BCL9: variants seen among roughly 807,000 people sequenced by gnomAD.
BCL9 encodes BCL9 transcription coactivator.
In BCL9, 25 loss-of-function variants were observed where a neutral mutation model predicts 88.5. The ratio of observed to expected loss-of-function variants is 0.28; its 90% CI spans 0.21 to 0.39. The LOEUF (loss-of-function observed/expected upper bound fraction) is 0.39. BCL9 is among the 10% of genes least tolerant of loss of function. BCL9 has a pLI of 1.00. For synonymous variants in BCL9, 711 were observed against 673.3 expected (o/e 1.06, Z -0.87); for missense variants, 1,817 against 1,877.8 (o/e 0.97, Z 0.60).
At position 147,548,982 on chromosome 1, in the gene BCL9, T is replaced by TTTTG. The variant is rs1553194538; in HGVS notation, c.-478+7311_-478+7312insGTTT. On this transcript the variant is annotated intron_variant, in intron 1 of 9. Transcript: ENST00000234739. ...AATTCTCTCCTTTTCTTTCTTTCTT[T>TTTTG]TTTTTTTTTTTTTTGACTGAGTTTT... Among the ~76,000 whole-genome samples the TTTTG allele has an allele frequency of 5.3e-4, 68 of 127,828 alleles. 1 individual carries two copies. The highest frequency in any genetic ancestry group is 2.3e-3 in the African/African-American group (61 of 26,990). The allele number at this position is 127,828 out of a possible 152,430, so 83.9% of individuals were successfully genotyped here. A position where few individuals can be genotyped will look rare whatever the true frequency, so the allele number is the denominator to read the frequency against.
intron 1 of BCL9, among the ~76,000 whole-genome samples, chr1:147,555,090 A>T (rs1270506680): frequency 6.6e-6 from 1 of 152,148 alleles, no homozygotes; most frequent in Non-Finnish European, 1.5e-5. Flanking sequence ...AGGTCATCTT[A>T]TGTAATCTTC....
Position 147,624,066 on chromosome 1 carries a change from G to T in BCL9, c.3388G>T (p.Val1130Leu). 6.2e-7 allele frequency: 1 copy of T among 1,613,656 alleles called. No individual in the cohort carries two copies. Among genetic ancestry groups the T allele is most frequent in the East Asian group, 2.2e-5 (1 of 44,858 alleles). The change falls in exon 10 of 10, where the codon GTA (valine) becomes TTA (leucine). Residue 1130 changes from valine (V) to leucine (L), a missense_variant. Around this residue, in one of 2 missense-constraint regions of BCL9, gnomAD observed 589 missense variants for 686.2 expected, o/e 0.86. Transcript: ENST00000234739. The surrounding 1 kb of genome is among the most constrained non-coding windows in gnomAD (Gnocchi z 4.4). ...MGHGSQEPPM[V>L]PQGRMGFPQG... ...GCATGGGTCCCAGGAGCCACCGATG[G>T]TACCTCAAGGACGGATGGGCTTCCC...
Position 147,619,499 on chromosome 1 carries a change from T to G in BCL9, c.1344T>G (p.Pro448=), listed in dbSNP as rs1658490152. Residue 448 remains proline, a synonymous_variant, in exon 8 of 10, where the codon CCT becomes CCG. Coordinates refer to ENST00000234739, the MANE Select transcript of BCL9 (RefSeq NM_004326.4). This position sits in a 1 kb window ranked among gnomAD's most constrained non-coding sequence, Gnocchi z 4.1. ...VPFSPDEMVP[P]SMNSQSGTIG... ...TTTCTCCAGATGAAATGGTTCCACC[T>G]TCTATGAACTCCCAGTCTGGGACCA... 2 of 1,613,974 alleles carry G rather than the reference T, an allele frequency of 1.2e-6. No individual in the cohort carries two copies. The highest frequency in any genetic ancestry group is 1.7e-5 in the Admixed American group (1 of 59,998).
At chr1:147,580,021 C>T (rs1382843791) in intron 1 of BCL9, among the ~76,000 whole-genome samples, 3 of 152,194 alleles carry the variant, frequency 2.0e-5, no homozygotes, top group African/African-American at 7.2e-5. Context: ...CTGATGTTCT[C>T]ATTCATTTCA....
intron 1 of BCL9, among the ~76,000 whole-genome samples, chr1:147,589,840 A>C (rs948663713): frequency 4.0e-5 from 6 of 150,658 alleles, no homozygotes; most frequent in Admixed American, 6.6e-5. Context: ...TATTTCTCTT[A>C]GATAGACACC....
At chr1:147,548,795 C>G (rs1654737410) in intron 1 of BCL9, among the ~76,000 whole-genome samples, 1 of 151,182 alleles carries the variant, frequency 6.6e-6, no homozygotes, top group East Asian at 1.9e-4. Flanking sequence ...GAGACCCTGT[C>G]TCAAAAAAAA....
rs200473630 is a variant in BCL9, at chr1:147,622,339, A to G, written c.2971A>G (p.Thr991Ala). ...VNIPGSLPSS[T>A]PYTMPPEPTL... ...TATCCCTGGAAGTCTTCCCTCTAGT[A>G]CACCTTATACCATGCCTCCAGAGCC... The change falls in exon 9 of 10, where the codon ACA becomes GCA. Residue 991 changes from threonine to alanine, a missense_variant. Thr to Ala is a moderately conservative substitution (Grantham distance 58). Around this residue, in one of 2 missense-constraint regions of BCL9, gnomAD observed 589 missense variants for 686.2 expected, o/e 0.86. Coordinates refer to ENST00000234739, the MANE Select transcript of BCL9 (RefSeq NM_004326.4). 6.7e-5 allele frequency: 108 copies of G among 1,614,036 alleles called. No individual in the cohort carries two copies. In the African/African-American group the frequency reaches 1.3e-3, roughly 19 times the overall value.
rs76898848 is a variant in BCL9 at position 147,613,994 on chromosome 1, A to G, written c.371-433A>G. On this transcript the variant is annotated intron_variant, in intron 5 of 9. Coordinates refer to ENST00000234739, the MANE Select transcript of BCL9 (RefSeq NM_004326.4). ...TGGCAGGCCTGCTATGAGTGCCAGC[A>G]CTATGCTGGGGGGCCATGGTCAGCA... Among the ~76,000 whole-genome samples, 1,303 of 152,282 alleles carry G rather than the reference A, an allele frequency of 8.6e-3. 13 individuals carry two copies. The highest frequency in any genetic ancestry group is 0.014 in the Non-Finnish European group (976 of 68,014).
intron 1 of BCL9, among the ~76,000 whole-genome samples, chr1:147,591,160 C>T (rs1656827448): frequency 2.0e-5 from 3 of 152,152 alleles, no homozygotes; most frequent in Admixed American, 2.0e-4. Context: ...TTATAAATCA[C>T]ATTCAGGATA....
In BCL9 at chr1:147,624,787, C is replaced by G. The variant is rs782122482; in HGVS notation, c.4109C>G (p.Thr1370Ser). Residue 1370 changes from threonine (T) to serine (S), a missense_variant, in exon 10 of 10, where the codon ACC becomes AGC. Physicochemically the swap from Thr to Ser is moderately conservative, Grantham distance 58. Around this residue, in one of 2 missense-constraint regions of BCL9, gnomAD observed 589 missense variants for 686.2 expected, o/e 0.86. Transcript: ENST00000234739. The surrounding 1 kb of genome is among the most constrained non-coding windows in gnomAD (Gnocchi z 4.4). ...GKDRGPAGLY[T>S]HPGPVGSPGM... Reference sequence around the variant, plus strand: ...GATCGGGGGCCTGCCGGGCTCTACACCCACCCTGGGCCTGTGGGCTCTCCA... The same window carrying G: ...GATCGGGGGCCTGCCGGGCTCTACAGCCACCCTGGGCCTGTGGGCTCTCCA... The G allele has an allele frequency of 6.2e-7, 1 of 1,614,164 alleles. No individual in the cohort carries two copies. Among genetic ancestry groups the G allele is most frequent in the Non-Finnish European group, 8.5e-7 (1 of 1,180,002 alleles).
chr1:147,583,300 T>C (rs1414750034), intron 1 of BCL9, among the ~76,000 whole-genome samples: 2 of 152,064 alleles, frequency 1.3e-5, no homozygotes, highest in Non-Finnish European at 2.9e-5. Flanking sequence ...TTTTTTGAGA[T>C]GGACTCTTGC....
In BCL9 at chr1:147,619,283, T is replaced by A. The variant is rs377297765; in HGVS notation, c.1128T>A (p.Asp376Glu). The change falls in exon 8 of 10, where the codon GAT (aspartate) becomes GAA (glutamate). Residue 376 changes from aspartate (D) to glutamate (E), a missense_variant. This residue lies in a region of BCL9 where 1,228 missense variants were observed against 1,191.6 expected (regional missense o/e 1.03). Coordinates refer to ENST00000234739, the MANE Select transcript of BCL9 (RefSeq NM_004326.4). The surrounding 1 kb of genome is among the most constrained non-coding windows in gnomAD (Gnocchi z 4.1). ...ATATCCAGCGCATGCTTTTTCCTGA[T>A]GAGAAAGAATTCACAGGAGCACAAA... The part of the protein sequence containing the change: ...LRDIQRMLFP[D>E]EKEFTGAQSG... The A allele has an allele frequency of 2.5e-6, 4 of 1,613,958 alleles. No homozygotes were observed. In the African/African-American group the frequency reaches 5.3e-5, roughly 22 times the overall value.
At chr1:147,574,839 A>G (rs1457066796) in intron 1 of BCL9, among the ~76,000 whole-genome samples, 1 of 152,214 alleles carries the variant, frequency 6.6e-6, no homozygotes, top group East Asian at 1.9e-4. Flanking sequence ...CAAAAAAGAT[A>G]TGGGGACCTA....
intron 1 of BCL9, among the ~76,000 whole-genome samples, chr1:147,548,254 A>C (rs1654706071): frequency 1.3e-5 from 2 of 152,176 alleles, no homozygotes; most frequent in African/African-American, 4.8e-5. Flanking sequence ...TTAAGGTCAT[A>C]CTTGCTCTAA....
chr1:147,582,096 A>G (rs1317106497), intron 1 of BCL9, among the ~76,000 whole-genome samples: 1 of 152,184 alleles, frequency 6.6e-6, no homozygotes, highest in Non-Finnish European at 1.5e-5. Flanking sequence ...GTCTATATAA[A>G]TTGTATGTAT....
At chr1:147,615,685 G>T in intron 6 of BCL9, 118 bp from the exon 7 acceptor site, 1 of 624,786 alleles carries the variant, frequency 1.6e-6, no homozygotes, top group South Asian at 2.5e-5. Flanking sequence ...CATTTCTGGT[G>T]GTTCTTTCTA....
Position 147,619,510 on chromosome 1 carries a change from C to G in BCL9, c.1355C>G (p.Ser452Cys). ...GAAATGGTTCCACCTTCTATGAACT[C>G]CCAGTCTGGGACCATAGGACCCGAC... The part of the protein sequence containing the change: ...PDEMVPPSMN[S>C]QSGTIGPDHL... The change falls in exon 8 of 10, where the codon TCC becomes TGC. Residue 452 changes from serine to cysteine, a missense_variant. By Grantham distance (112) the Ser-to-Cys change is moderately radical. Around this residue, in one of 2 missense-constraint regions of BCL9, gnomAD observed 1,228 missense variants for 1,191.6 expected, o/e 1.03. Transcript: ENST00000234739. This position sits in a 1 kb window ranked among gnomAD's most constrained non-coding sequence, Gnocchi z 4.1. 6.2e-7 allele frequency: 1 copy of G among 1,614,074 alleles called. No homozygotes were observed. Among genetic ancestry groups the G allele is most frequent in the Non-Finnish European group, 8.5e-7 (1 of 1,180,018 alleles).
chr1:147,572,573 T>C (rs782043833), intron 1 of BCL9, among the ~76,000 whole-genome samples: 1 of 152,120 alleles, frequency 6.6e-6, no homozygotes, highest in Non-Finnish European at 1.5e-5. Context: ...GGTTCATAGG[T>C]AGAAGTTTTT....
At chr1:147,609,950 C>T (rs797033076) in intron 3 of BCL9, among the ~76,000 whole-genome samples, 7 of 152,238 alleles carry the variant, frequency 4.6e-5, no homozygotes, top group African/African-American at 1.2e-4. Context: ...TGCTAGAATA[C>T]GTGATGCAGA....
Sources: gnomAD v4.1 joint callset for allele counts (sites outside exome capture counted in the v4.1 genomes callset) on GRCh38, gnomAD v4.1.1 for gene constraint, gnomAD v4.1.1 regional missense constraint, Gnocchi (gnomAD v3.1) non-coding constraint, MANE v1.5 for transcripts, NCBI Gene and HGNC (gene_info 2026-07-23, HGNC 2026-07-21) for gene names.